RIN3: variants seen among roughly 807,000 people sequenced by gnomAD.
RIN3 encodes the protein RAB5 interacting protein 3.
A neutral mutation model predicts 76.3 loss-of-function variants in RIN3; 54 were observed. The ratio of observed to expected loss-of-function variants is 0.71; its 90% CI spans 0.57 to 0.89. The LOEUF (loss-of-function observed/expected upper bound fraction) is 0.89, where lower values mean the gene tolerates loss of function less well. Ranked by LOEUF, RIN3 falls within the 40% of genes least tolerant of loss-of-function variation. The pLI is 0.00. For synonymous variants in RIN3, 576 were observed against 564.0 expected (o/e 1.02, Z -0.30); for missense variants, 1,256 against 1,322.1 (o/e 0.95, Z 0.78).
chr14:92,573,613 A>G (rs1205984295), intron 2 of RIN3, among the ~76,000 whole-genome samples: 1 of 152,224 alleles, frequency 6.6e-6, no homozygotes, highest in African/African-American at 2.4e-5. Context: ...TAAGATCAAA[A>G]GGGGCTCATT....
At chr14:92,658,240 G>A (rs1394947718) in intron 6 of RIN3, among the ~76,000 whole-genome samples, 1 of 152,204 alleles carries the variant, frequency 6.6e-6, no homozygotes, top group Non-Finnish European at 1.5e-5. Context: ...GAGCTGATCG[G>A]GAATGCCTCT....
At chr14:92,576,431 A>G (rs1027635075) in intron 2 of RIN3, 2 of 1,286,370 alleles carry the variant, frequency 1.6e-6, no homozygotes, top group African/African-American at 3.0e-5. Flanking sequence ...GCCTAGAGCC[A>G]TGGTTTTATC....
At chr14:92,617,591 G>A (rs1208335639) in intron 4 of RIN3, among the ~76,000 whole-genome samples, 1 of 152,106 alleles carries the variant, frequency 6.6e-6, no homozygotes, top group African/African-American at 2.4e-5. Flanking sequence ...AGCCCAACAG[G>A]GAAACTATCA....
intron 1 of RIN3, among the ~76,000 whole-genome samples, chr14:92,533,656 G>A (rs917392079): frequency 2.0e-5 from 3 of 152,112 alleles, no homozygotes; most frequent in Admixed American, 6.5e-5. Context: ...TCCTAAGTGG[G>A]AACTAAGCTA....
At chr14:92,619,435 CTTTTTTTTTTTT>C (rs33981976) in intron 4 of RIN3, among the ~76,000 whole-genome samples, 2 of 73,140 alleles carry the variant, frequency 2.7e-5, no homozygotes, top group African/African-American at 1.1e-4. Context: ...TTCTAGTAGT[CTTTTTTTTTTTT>C]TTTTTTTTTT....
At chr14:92,657,918 C>T (rs945479271) in intron 6 of RIN3, among the ~76,000 whole-genome samples, 4 of 152,226 alleles carry the variant, frequency 2.6e-5, no homozygotes, top group African/African-American at 9.6e-5. Context: ...GTCCCTCCCT[C>T]CTCTCTCAGG....
At chr14:92,631,615 A>C (rs1273636119) in intron 4 of RIN3, among the ~76,000 whole-genome samples, 2 of 150,410 alleles carry the variant, frequency 1.3e-5, no homozygotes, top group African/African-American at 4.9e-5. Context: ...CGGCGGCGGG[A>C]GTGGGGGTTG....
At chr14:92,682,752 G>A (rs1317359747) in intron 8 of RIN3, among the ~76,000 whole-genome samples, 1 of 152,244 alleles carries the variant, frequency 6.6e-6, no homozygotes, top group Non-Finnish European at 1.5e-5. Context: ...AGCTGCAAGG[G>A]AGTCAGGGAA....
At chr14:92,666,881 T>G (rs923203833) in intron 7 of RIN3, among the ~76,000 whole-genome samples, 8 of 152,164 alleles carry the variant, frequency 5.3e-5, no homozygotes, top group Non-Finnish European at 2.9e-5. Context: ...GAGTAGTCTA[T>G]GTAAACACCC....
intron 3 of RIN3, among the ~76,000 whole-genome samples, chr14:92,597,701 A>C (rs1272956734): frequency 6.6e-6 from 1 of 152,068 alleles, no homozygotes; most frequent in African/African-American, 2.4e-5. Context: ...TTCCGTTCTT[A>C]TATCATGGTC....
At chr14:92,582,767 A>G (rs950996281) in intron 3 of RIN3, among the ~76,000 whole-genome samples, 2 of 152,174 alleles carry the variant, frequency 1.3e-5, no homozygotes, top group Non-Finnish European at 2.9e-5. Flanking sequence ...GTGTCCTTGT[A>G]TTACTCCATT....
chr14:92,688,405 A>T lies in RIN3; in HGVS notation c.*153A>T. The T allele has an allele frequency of 1.4e-6, 1 of 720,960 alleles. No individual in the cohort carries two copies. Among genetic ancestry groups the T allele is most frequent in the East Asian group, 2.8e-5 (1 of 35,538 alleles). The allele number at this position is 720,960 out of a possible 1,614,324, so 44.7% of individuals were successfully genotyped here. ...GTCGCAGGACAGTTGTGAAAATAAC[A>T]TGACGCTCGTCCAAGGCCACTTCCT... On this transcript the variant is annotated 3_prime_UTR_variant, in exon 10 of 10. Transcript: ENST00000216487.
intron 4 of RIN3, among the ~76,000 whole-genome samples, chr14:92,638,614 G>A (rs11623618): frequency 0.096 from 14,619 of 152,200 alleles, 932 homozygotes; most frequent in East Asian, 0.27. Flanking sequence ...AGGCCACCAC[G>A]TAACTGAAGT....
chr14:92,516,385 G>C (rs1472045993), intron 1 of RIN3, among the ~76,000 whole-genome samples: 1 of 152,204 alleles, frequency 6.6e-6, no homozygotes, highest in Non-Finnish European at 1.5e-5. Flanking sequence ...GGCTGAGACA[G>C]GGGGCTCTTC....
intron 2 of RIN3, 144 bp downstream of exon 2, chr14:92,556,099 T>C: frequency 1.4e-6 from 1 of 727,818 alleles, no homozygotes; most frequent in Non-Finnish European, 2.3e-6. Flanking sequence ...TTTGTCAGCT[T>C]TTGACCACAA....
intron 7 of RIN3, among the ~76,000 whole-genome samples, chr14:92,662,385 TG>T (rs772880110): frequency 1.3e-5 from 2 of 152,094 alleles, no homozygotes; most frequent in African/African-American, 4.8e-5. Context: ...CCTGGGACCC[TG>T]GGGGGGATCA....
chr14:92,637,661 A>G (rs1472928567), intron 4 of RIN3, among the ~76,000 whole-genome samples: 1 of 152,144 alleles, frequency 6.6e-6, no homozygotes, highest in Non-Finnish European at 1.5e-5. Context: ...ATTTTAACAA[A>G]TGTTGACAAT....
At chr14:92,516,184 G>A (rs1444410412) in intron 1 of RIN3, among the ~76,000 whole-genome samples, 1 of 152,192 alleles carries the variant, frequency 6.6e-6, no homozygotes, top group Non-Finnish European at 1.5e-5. Flanking sequence ...TTCCACTGCT[G>A]GAAAAAATGT....
At chr14:92,684,843 A>G in intron 8 of RIN3, 144 bp from the exon 9 acceptor site, 1 of 864,086 alleles carries the variant, frequency 1.2e-6, no homozygotes, top group Non-Finnish European at 1.9e-6. Flanking sequence ...GGTTGAGCTC[A>G]GCTGTTGAAG....
Sources: gnomAD v4.1 joint callset for allele counts (sites outside exome capture counted in the v4.1 genomes callset) on GRCh38, gnomAD v4.1.1 for gene constraint, MANE v1.5 for transcripts, NCBI Gene and HGNC (gene_info 2026-07-23, HGNC 2026-07-21) for gene names.